ACSL4: variants seen among roughly 807,000 people sequenced by gnomAD.
The protein encoded by ACSL4 is acyl-CoA synthetase long chain family member 4, also known as long-chain-fatty-acid--CoA ligase 4.
A neutral mutation model predicts 49.1 loss-of-function variants in ACSL4; 9 were observed. The observed-to-expected ratio is 0.18, with a 90% CI of 0.11 to 0.32. The LOEUF (loss-of-function observed/expected upper bound fraction) is 0.32. Ranked by LOEUF, ACSL4 falls within the 10% of genes least tolerant of loss-of-function variation. ACSL4 has a pLI of 1.00. For missense variants in ACSL4, 333 were observed against 493.7 expected, an observed-to-expected ratio of 0.67 and a Z score of 3.08; for synonymous variants, 191 against 170.3, an observed-to-expected ratio of 1.12 and a Z score of -0.95.
chrX:109,693,002 A>T (rs1288627783), intron 2 of ACSL4, among the ~76,000 whole-genome samples: 1 of 111,801 alleles, frequency 8.9e-6, no homozygotes, highest in Non-Finnish European at 1.9e-5. Flanking sequence ...TTTAAGCAGC[A>T]GTAGTAGTTC....
chrX:109,661,260 G>A (rs1288576946), intron 14 of ACSL4, among the ~76,000 whole-genome samples: 3 of 111,691 alleles, frequency 2.7e-5, no homozygotes, highest in African/African-American at 9.7e-5. Flanking sequence ...CTTATACTAA[G>A]TCTCAGTTGT....
At chrX:109,669,554 C>T (rs763546574) in intron 9 of ACSL4, among the ~76,000 whole-genome samples, 1 of 110,699 alleles carries the variant, frequency 9.0e-6, no homozygotes, top group South Asian at 3.9e-4. Flanking sequence ...CCACCACACC[C>T]GGCTAATTTT....
At chrX:109,694,248 A>G (rs1326015388) in intron 2 of ACSL4, among the ~76,000 whole-genome samples, 1 of 112,244 alleles carries the variant, frequency 8.9e-6, no homozygotes, top group Non-Finnish European at 1.9e-5. Context: ...TTGGAAATCA[A>G]AAATAGTTAT....
chrX:109,728,938 C>T (rs1261506591), intron 1 of ACSL4, among the ~76,000 whole-genome samples: 1 of 110,864 alleles, frequency 9.0e-6, no homozygotes, highest in African/African-American at 3.3e-5. Context: ...AGGCCAGGGG[C>T]GGTGGCTCAC....
At chrX:109,644,223 G>A (rs184269296) in intron 15 of ACSL4, 37 bp from the exon 16 acceptor site, 2 of 1,166,244 alleles carry the variant, frequency 1.7e-6, no homozygotes, top group Admixed American at 2.3e-5. Context: ...AAAAGGAGAG[G>A]GGGGGAAAGA....
At chrX:109,727,131 A>T (rs773900013) in intron 1 of ACSL4, among the ~76,000 whole-genome samples, 3 of 111,667 alleles carry the variant, frequency 2.7e-5, no homozygotes, top group Non-Finnish European at 5.6e-5. Flanking sequence ...ATGATGAGAG[A>T]TGGAGACTTA....
At chrX:109,725,701 C>T (rs7056314) in intron 1 of ACSL4, among the ~76,000 whole-genome samples, 46,730 of 109,698 alleles carry the variant, frequency 0.43, 8,261 homozygotes, top group Middle Eastern at 0.61. Flanking sequence ...GATCACGCCA[C>T]TGCACTCCAG....
chrX:109,649,853 A>G (rs1180034233), intron 15 of ACSL4, among the ~76,000 whole-genome samples: 8 of 107,927 alleles, frequency 7.4e-5, no homozygotes, highest in Non-Finnish European at 1.3e-4. Context: ...AACCCCATCA[A>G]AAAGTGGGTG....
At position 109,653,987 on chromosome X, in the gene ACSL4, T is replaced by A. The variant is rs182311457; in HGVS notation, c.1855+5367A>T. Among the ~76,000 whole-genome samples, 111 of 108,020 alleles carry A rather than the reference T, an allele frequency of 1.0e-3. 1 individual carries two copies. The highest frequency in any genetic ancestry group is 2.9e-3 in the East Asian group (10 of 3,479). 93.8% of individuals were successfully genotyped at this position (108,020 alleles called of 115,157 possible). On this transcript the variant is annotated intron_variant, in intron 15 of 15. Coordinates refer to ENST00000672401, the MANE Select transcript of ACSL4 (RefSeq NM_001318510.2). ...TTTTAAAAAAATTTATTTGAAAAAA[T>A]ATATATATATATATTCTCTTTGACT...
intron 1 of ACSL4, among the ~76,000 whole-genome samples, chrX:109,719,707 C>A (rs1011634242): frequency 8.9e-6 from 1 of 112,208 alleles, no homozygotes; most frequent in Admixed American, 9.4e-5. Flanking sequence ...TACTTTCCGC[C>A]GGGCGTGGTG....
At chrX:109,710,107 AAAAAT>A (rs1365690880) in intron 1 of ACSL4, among the ~76,000 whole-genome samples, 3 of 112,006 alleles carry the variant, frequency 2.7e-5, no homozygotes, top group South Asian at 7.4e-4. Flanking sequence ...CTCTGTCTCA[AAAAAT>A]AAAATAAAAT....
rs1261806090 is a variant in ACSL4 at position 109,642,385 on chromosome X, G to A, written c.*1644C>T. ...ATACACATAACTTCAGGGAAAACTT[G>A]CCTAAAATTTTACCTTGCAAAACGC... is the stretch of plus-strand genomic sequence containing the variant. On this transcript the variant is annotated 3_prime_UTR_variant, in exon 16 of 16. Transcript: ENST00000672401. 1.8e-5 allele frequency: 2 copies of A among 111,571 alleles called. No individual in the cohort carries two copies. Among genetic ancestry groups the A allele is most frequent in the East Asian group, 5.6e-4 (2 of 3,558 alleles). The allele number at this position is 111,571 out of a possible 1,213,427, so 9.2% of individuals were successfully genotyped here.
In ACSL4 at chrX:109,647,095, T is replaced by C. The variant is rs775681080; in HGVS notation, c.1856-2909A>G. Among the ~76,000 whole-genome samples the C allele has an allele frequency of 4.5e-5, 5 of 111,115 alleles. No homozygotes were observed. In the East Asian group the frequency reaches 1.4e-3, roughly 31 times the overall value. ...AATGGGAGACTTTAACACCCCACTG[T>C]CAACATTAGACAGATCAACGAGACA... On this transcript the variant is annotated intron_variant, in intron 15 of 15. Transcript: ENST00000672401.
At chrX:109,649,655 C>G (rs1934924358) in intron 15 of ACSL4, among the ~76,000 whole-genome samples, 2 of 111,247 alleles carry the variant, frequency 1.8e-5, no homozygotes, top group African/African-American at 6.5e-5. Context: ...GCAATGGCAA[C>G]AAAAGCCAAA....
chrX:109,700,076 T>A (rs1223606039), intron 1 of ACSL4, among the ~76,000 whole-genome samples: 3 of 107,881 alleles, frequency 2.8e-5, no homozygotes, highest in African/African-American at 1.0e-4. Context: ...GGCGTGGTGG[T>A]GGATGCCTGT....
chrX:109,721,897 T>C (rs1355305846), intron 1 of ACSL4, among the ~76,000 whole-genome samples: 2 of 111,629 alleles, frequency 1.8e-5, no homozygotes, highest in East Asian at 2.8e-4. Flanking sequence ...AAGTGAGAAA[T>C]AGAGAAACTC....
At chrX:109,657,951 C>G (rs1031080192) in intron 15 of ACSL4, among the ~76,000 whole-genome samples, 5 of 111,675 alleles carry the variant, frequency 4.5e-5, no homozygotes, top group Non-Finnish European at 9.4e-5. Flanking sequence ...TTTTGATTTG[C>G]ATTTCTCTGA....
At position 109,665,884 on chromosome X, in the gene ACSL4, G is replaced by C. The variant is rs149847713; in HGVS notation, c.1316-390C>G. ...TTTCCTCATCTATGAAATGGAGATA[G>C]TAACAAAACCTACTTCATACAGGGA... On this transcript the variant is annotated intron_variant, in intron 11 of 15. Coordinates refer to ENST00000672401, the MANE Select transcript of ACSL4 (RefSeq NM_001318510.2). Among the ~76,000 whole-genome samples the C allele has an allele frequency of 2.5e-4, 28 of 111,741 alleles. No individual in the cohort carries two copies. In the East Asian group the frequency reaches 7.6e-3, roughly 30 times the overall value.
At chrX:109,732,639 C>T (rs1928561340) in intron 1 of ACSL4, among the ~76,000 whole-genome samples, 1 of 111,663 alleles carries the variant, frequency 9.0e-6, no homozygotes, top group African/African-American at 3.3e-5. Context: ...TCGGAAGCGA[C>T]GGCATCCCTC....
Sources: gnomAD v4.1 joint callset for allele counts (sites outside exome capture counted in the v4.1 genomes callset) on GRCh38, gnomAD v4.1.1 for gene constraint, MANE v1.5 for transcripts, NCBI Gene and HGNC (gene_info 2026-07-23, HGNC 2026-07-21) for gene names.